Variants in CHD7 observed in about 807,000 individuals in gnomAD.
CHD7 encodes ATP-dependent chromatin remodeler CHD7.
In CHD7, 24 loss-of-function variants were observed where a neutral mutation model predicts 307.3. The ratio of observed to expected loss-of-function variants is 0.08; its 90% CI spans 0.06 to 0.11. CHD7 has a LOEUF of 0.11. CHD7 is among the 10% of genes least tolerant of loss of function. The probability of loss-of-function intolerance (pLI) is 1.00; values close to 1 mark genes in which losing one functional copy is unlikely to be tolerated. For missense variants in CHD7, 3,106 were observed against 3,727.1 expected (o/e 0.83, Z 4.34); for synonymous variants, 1,363 against 1,349.9 (o/e 1.01, Z -0.21).
chr8:60,791,555 A>G (rs970990758), intron 3 of CHD7, among the ~76,000 whole-genome samples: 3 of 152,338 alleles, frequency 2.0e-5, no homozygotes, highest in East Asian at 3.9e-4. Context: ...TGGAAGAGGA[A>G]TATATGTCTG....
intron 1 of CHD7, among the ~76,000 whole-genome samples, chr8:60,733,481 G>C (rs750768297): frequency 2.0e-5 from 3 of 152,220 alleles, no homozygotes; most frequent in Admixed American, 6.5e-5. Flanking sequence ...CAGGTCAGCT[G>C]TCTCCACGTT....
intron 25 of CHD7, among the ~76,000 whole-genome samples, chr8:60,850,190 G>T (rs995559261): frequency 6.6e-6 from 1 of 152,172 alleles, no homozygotes; most frequent in African/African-American, 2.4e-5. Context: ...AGCAAAATTA[G>T]ATCTGGGGAA....
In CHD7 at chr8:60,830,543, G is replaced by A; in HGVS notation, c.3744G>A (p.Leu1248=). The A allele has an allele frequency of 2.5e-6, 4 of 1,613,974 alleles. No individual in the cohort carries two copies. Among genetic ancestry groups the A allele is most frequent in the Non-Finnish European group, 2.5e-6 (3 of 1,179,866 alleles). ...VPNLLNTMME[L]RKCCNHPYLI... Reference sequence around the variant, plus strand: ...ACCTATTAAACACTATGATGGAATTGCGGAAGTGCTGCAATCATCCGTACC... The same window carrying A: ...ACCTATTAAACACTATGATGGAATTACGGAAGTGCTGCAATCATCCGTACC... Residue 1248 remains leucine, a synonymous_variant, in exon 15 of 38, where the codon TTG becomes TTA. Transcript: ENST00000423902.
At chr8:60,714,705 C>T (rs1460752046) in intron 1 of CHD7, among the ~76,000 whole-genome samples, 2 of 152,216 alleles carry the variant, frequency 1.3e-5, no homozygotes, top group Non-Finnish European at 2.9e-5. Flanking sequence ...ATGGCTCCCG[C>T]TCCTCCTCAC....
At chr8:60,794,267 A>G (rs1363017863) in intron 3 of CHD7, among the ~76,000 whole-genome samples, 1 of 152,212 alleles carries the variant, frequency 6.6e-6, no homozygotes, top group Non-Finnish European at 1.5e-5. Context: ...GTCTTATATA[A>G]TATTCAAATT....
Position 60,742,031 on chromosome 8 carries a change from T to TGCAGCAGCATGGTCAGCC in CHD7, c.600_617dup (p.His203_Gln208dup). On this transcript the variant is annotated inframe_insertion, in exon 2 of 38. Coordinates refer to ENST00000423902, the MANE Select transcript of CHD7 (RefSeq NM_017780.4). ...TATATGGCACGTGGGGATTTTTCCA[T>TGCAGCAGCATGGTCAGCC]GCAGCAGCATGGTCAGCCACAGCAG... The TGCAGCAGCATGGTCAGCC allele has an allele frequency of 6.2e-7, 1 of 1,613,842 alleles. No individual in the cohort carries two copies. The highest frequency in any genetic ancestry group is 8.5e-7 in the Non-Finnish European group (1 of 1,179,890).
chr8:60,717,216 A>C (rs1166976000), intron 1 of CHD7, among the ~76,000 whole-genome samples: 1 of 152,172 alleles, frequency 6.6e-6, no homozygotes. Context: ...GTTTACTGTC[A>C]AGTTGGAATT....
At position 60,714,412 on chromosome 8, in the gene CHD7, CCCCCCCCCCCCCCCCG is replaced by C. The variant is rs1240221746; in HGVS notation, c.-174-26842_-174-26827del. Reference sequence around the variant, plus strand: ...ACATGGCGGCCGGGAGAAGGCCCCCCCCCCCCCCCCCCCCCGCCCCGCACACCGCCAGGCCTCTGGA... The same window carrying C: ...ACATGGCGGCCGGGAGAAGGCCCCCCCCCCGCACACCGCCAGGCCTCTGGA... On this transcript the variant is annotated intron_variant, in intron 1 of 37. Coordinates refer to ENST00000423902, the MANE Select transcript of CHD7 (RefSeq NM_017780.4). Among the ~76,000 whole-genome samples, 106 of 19,362 alleles carry C rather than the reference CCCCCCCCCCCCCCCCG, an allele frequency of 5.5e-3. 4 individuals carry two copies. The East Asian group carries it at 0.15, about 27-fold the overall frequency. 12.7% of individuals were successfully genotyped at this position (19,362 alleles called of 152,430 possible). A position where few individuals can be genotyped will look rare whatever the true frequency, so the allele number is the denominator to read the frequency against.
chr8:60,801,512 A>T lies in CHD7; in HGVS notation c.2377-16A>T, dbSNP rs781749924. ...ATGTTTTCTATTTGGATTGATGCACATGCCTTTTTTTTTAGGAATCTGTTG... is the reference window on the plus strand; with the variant it reads ...ATGTTTTCTATTTGGATTGATGCACTTGCCTTTTTTTTTAGGAATCTGTTG... On this transcript the variant is annotated splice_polypyrimidine_tract_variant and intron_variant, in intron 5 of 37. Coordinates refer to ENST00000423902, the MANE Select transcript of CHD7 (RefSeq NM_017780.4). 6.4e-7 allele frequency: 1 copy of T among 1,554,292 alleles called. No homozygotes were observed. The highest frequency in any genetic ancestry group is 1.9e-5 in the Admixed American group (1 of 52,204).
In CHD7 at chr8:60,738,476, C is replaced by T. The variant is rs1026509924; in HGVS notation, c.-174-2783C>T. Among the ~76,000 whole-genome samples, 24 of 146,072 alleles carry T rather than the reference C, an allele frequency of 1.6e-4. No homozygotes were observed. The East Asian group carries it at 3.1e-3, about 19-fold the overall frequency. Reference sequence around the variant, plus strand: ...AGAAAATCTAGATATTGAGTGTAGACGAGAGGGAAGCTTTCAAAATAGGGC... The same window carrying T: ...AGAAAATCTAGATATTGAGTGTAGATGAGAGGGAAGCTTTCAAAATAGGGC... On this transcript the variant is annotated intron_variant, in intron 1 of 37. Coordinates refer to ENST00000423902, the MANE Select transcript of CHD7 (RefSeq NM_017780.4).
Position 60,845,034 on chromosome 8 carries a change from G to A in CHD7, c.5021G>A (p.Gly1674Asp). The change falls in exon 22 of 38, where the codon GGC (glycine) becomes GAC (aspartate). Residue 1674 changes from glycine to aspartate, a missense_variant. Gly to Asp is a moderately conservative substitution (Grantham distance 94). Coordinates refer to ENST00000423902, the MANE Select transcript of CHD7 (RefSeq NM_017780.4). ...IWDLITPTAD[G>D]QTRALVNHSG... ...GATCTGATCACACCCACAGCGGATG[G>A]CCAGACTCGAGCCTTGGTCAACCAT... 6.2e-7 allele frequency: 1 copy of A among 1,613,980 alleles called. No homozygotes were observed. The highest frequency in any genetic ancestry group is 8.5e-7 in the Non-Finnish European group (1 of 1,179,890).
At chr8:60,813,469 T>C (rs1812905824) in intron 7 of CHD7, among the ~76,000 whole-genome samples, 1 of 152,190 alleles carries the variant, frequency 6.6e-6, no homozygotes, top group Non-Finnish European at 1.5e-5. Context: ...TAGGTATCCA[T>C]GCTTTCTGAT....
intron 1 of CHD7, among the ~76,000 whole-genome samples, chr8:60,716,940 T>C (rs1807636727): frequency 6.6e-6 from 1 of 152,254 alleles, no homozygotes; most frequent in East Asian, 1.9e-4. Flanking sequence ...TACACTATAG[T>C]GGCTTTCAGA....
chr8:60,768,160 C>T (rs1290219174), intron 2 of CHD7, among the ~76,000 whole-genome samples: 1 of 152,096 alleles, frequency 6.6e-6, no homozygotes, highest in Non-Finnish European at 1.5e-5. Context: ...TTTACTTCCC[C>T]CACCCCGTCT....
At chr8:60,732,950 T>C (rs1201272777) in intron 1 of CHD7, among the ~76,000 whole-genome samples, 1 of 152,102 alleles carries the variant, frequency 6.6e-6, no homozygotes, top group Admixed American at 6.5e-5. Context: ...TCAAAAGATA[T>C]GAGACCTGGT....
chr8:60,745,602 A>G (rs2150586011), intron 2 of CHD7, among the ~76,000 whole-genome samples: 1 of 152,282 alleles, frequency 6.6e-6, no homozygotes, highest in Non-Finnish European at 1.5e-5. Flanking sequence ...TCTAAGTACA[A>G]TTATGTTTTC....
chr8:60,839,800 C>T (rs1460820715), intron 19 of CHD7, among the ~76,000 whole-genome samples: 1 of 152,044 alleles, frequency 6.6e-6, no homozygotes, highest in African/African-American at 2.4e-5. Flanking sequence ...ATTAATGTTT[C>T]AGACTTAAAA....
chr8:60,713,049 C>CAAAAAA (rs373922396), intron 1 of CHD7, among the ~76,000 whole-genome samples: 1 of 102,158 alleles, frequency 9.8e-6, no homozygotes, highest in South Asian at 4.2e-4. Flanking sequence ...AACTCTGTCT[C>CAAAAAA]AAAAAAAAAA....
intron 1 of CHD7, among the ~76,000 whole-genome samples, chr8:60,724,537 T>C (rs921868467): frequency 6.6e-6 from 1 of 152,192 alleles, no homozygotes; most frequent in African/African-American, 2.4e-5. Flanking sequence ...AATGCAAATT[T>C]TCATAGATGA....
Sources: allele counts gnomAD v4.1 joint callset (sites outside exome capture counted in the v4.1 genomes callset), GRCh38; gene constraint gnomAD v4.1.1; transcripts MANE v1.5; gene names NCBI Gene and HGNC (gene_info 2026-07-23, HGNC 2026-07-21).